MTARC1: variants seen among roughly 807,000 people sequenced by gnomAD.
MTARC1 encodes mitochondrial amidoxime-reducing component 1.
MTARC1 carries 24 observed loss-of-function variants against 33.6 expected under a neutral mutation model. The observed-to-expected ratio is 0.72, with a 90% CI of 0.52 to 1.01. The LOEUF is 1.01. MTARC1 is among the 50% of genes least tolerant of loss of function. MTARC1 has a pLI of 0.00. For missense variants in MTARC1, 417 were observed against 445.7 expected (o/e 0.94, Z 0.58); for synonymous variants, 187 against 189.5 (o/e 0.99, Z 0.11).
chr1:220,811,716 G>T (rs1673140033), intron 6 of MTARC1, among the ~76,000 whole-genome samples: 1 of 152,204 alleles, frequency 6.6e-6, no homozygotes, highest in Admixed American at 6.5e-5. Flanking sequence ...GAAGGTGGGG[G>T]AATCTTGCCA....
At chr1:220,800,592 T>C (rs1488103999) in intron 4 of MTARC1, among the ~76,000 whole-genome samples, 1 of 152,138 alleles carries the variant, frequency 6.6e-6, no homozygotes, top group African/African-American at 2.4e-5. Context: ...CTTTCCTTTT[T>C]TTTTTTTATT....
intron 4 of MTARC1, among the ~76,000 whole-genome samples, chr1:220,800,233 A>G (rs1414343771): frequency 2.0e-5 from 3 of 152,212 alleles, no homozygotes; most frequent in Non-Finnish European, 4.4e-5. Context: ...CTAGTTGAGA[A>G]CATTCTGTAT....
At chr1:220,797,641 G>C (rs1438727193) in intron 3 of MTARC1, 4 of 523,636 alleles carry the variant, frequency 7.6e-6, no homozygotes, top group Non-Finnish European at 1.4e-5. Flanking sequence ...TGGCAGCTTA[G>C]GATTGATTCT....
intron 4 of MTARC1, among the ~76,000 whole-genome samples, chr1:220,800,545 C>T (rs1672759960): frequency 6.6e-6 from 1 of 151,894 alleles, no homozygotes; most frequent in Non-Finnish European, 1.5e-5. Context: ...CAAACCCTTT[C>T]TCATTTGTCT....
chr1:220,801,914 C>T (rs889301092), intron 4 of MTARC1, among the ~76,000 whole-genome samples: 2 of 152,062 alleles, frequency 1.3e-5, no homozygotes, highest in African/African-American at 4.8e-5. Context: ...ATCATCGGCA[C>T]TCCCCACACA....
At chr1:220,789,581 T>C (rs908685741) in intron 1 of MTARC1, among the ~76,000 whole-genome samples, 1 of 152,206 alleles carries the variant, frequency 6.6e-6, no homozygotes, top group Admixed American at 6.5e-5. Flanking sequence ...GGGACATAAA[T>C]AGGATGAATG....
At chr1:220,807,004 A>G (rs1672990973) in intron 6 of MTARC1, among the ~76,000 whole-genome samples, 1 of 152,234 alleles carries the variant, frequency 6.6e-6, no homozygotes, top group Non-Finnish European at 1.5e-5. Context: ...AGAGGGGGCT[A>G]CAGACCAGCC....
At chr1:220,812,173 G>A (rs12129004) in intron 6 of MTARC1, among the ~76,000 whole-genome samples, 38,535 of 152,148 alleles carry the variant, frequency 0.25, 5,157 homozygotes, top group East Asian at 0.35. Context: ...AGGACTTACC[G>A]AGTCAGTACA....
Position 220,791,496 on chromosome 1 carries a change from G to A in MTARC1, c.281G>A (p.Trp94Ter). 1.2e-6 allele frequency: 2 copies of A among 1,613,912 alleles called. No individual in the cohort carries two copies. The highest frequency in any genetic ancestry group is 1.7e-6 in the Non-Finnish European group (2 of 1,179,910). ...LRSGNLRDRF[W>*]LVINQEGNMV... Reference sequence around the variant, plus strand: ...CTGTGTTTTGAAAACGGCAGGTTTTGGCTTGTGATCAACCAGGAGGGAAAC... The same window carrying A: ...CTGTGTTTTGAAAACGGCAGGTTTTAGCTTGTGATCAACCAGGAGGGAAAC... Residue 94 changes from tryptophan (W) to a stop codon, truncating the protein, a stop_gained, in exon 2 of 7, where the codon TGG (tryptophan) becomes TAG (stop). Coordinates refer to ENST00000366910, the MANE Select transcript of MTARC1 (RefSeq NM_022746.4). LOFTEE classifies it high-confidence loss of function.
chr1:220,816,427 C>T lies in MTARC1; in HGVS notation c.*3009C>T, dbSNP rs886308207. 1.3e-5 allele frequency: 2 copies of T among 152,196 alleles called. No homozygotes were observed. Among genetic ancestry groups the T allele is most frequent in the Admixed American group, 6.5e-5 (1 of 15,286 alleles). The allele number at this position is 152,196 out of a possible 1,614,324, so 9.4% of individuals were successfully genotyped here. ...TACCACACCCTAACACTGCATTTCC[C>T]GTGTTTTATTGGTCCATGGAATTCT... On this transcript the variant is annotated 3_prime_UTR_variant, in exon 7 of 7. Transcript: ENST00000366910.
At chr1:220,804,330 G>T (rs914527026) in intron 4 of MTARC1, among the ~76,000 whole-genome samples, 4 of 152,100 alleles carry the variant, frequency 2.6e-5, no homozygotes, top group Non-Finnish European at 4.4e-5. Flanking sequence ...AACACATGAC[G>T]TGCTGCCTTG....
At chr1:220,810,492 C>A (rs1228846416) in intron 6 of MTARC1, among the ~76,000 whole-genome samples, 2 of 151,298 alleles carry the variant, frequency 1.3e-5, no homozygotes, top group South Asian at 4.1e-4. Context: ...TAGCTCTTCC[C>A]GCTTCTACTC....
Position 220,799,961 on chromosome 1 carries a change from A to C in MTARC1, c.753+1947A>C, listed in dbSNP as rs183633121. ...AGGACATTAAGTACCACAGGGAGGT[A>C]AGGAAGAGTTTCATTCCTGGGAGTT... On this transcript the variant is annotated intron_variant, in intron 4 of 6. Coordinates refer to ENST00000366910, the MANE Select transcript of MTARC1 (RefSeq NM_022746.4). Among the ~76,000 whole-genome samples, 15 of 152,340 alleles carry C rather than the reference A, an allele frequency of 9.8e-5. No individual in the cohort carries two copies. The East Asian group carries it at 2.3e-3, about 24-fold the overall frequency.
At chr1:220,800,710 C>T (rs990957319) in intron 4 of MTARC1, among the ~76,000 whole-genome samples, 10 of 152,092 alleles carry the variant, frequency 6.6e-5, no homozygotes, top group South Asian at 6.2e-4. Context: ...TCTAATCCAA[C>T]GTCAGGATGT....
In MTARC1 at chr1:220,787,164, G is replaced by A. The variant is rs769684939; in HGVS notation, c.220G>A (p.Val74Met). The A allele has an allele frequency of 6.3e-6, 10 of 1,579,568 alleles. No individual in the cohort carries two copies. Among genetic ancestry groups the A allele is most frequent in the Non-Finnish European group, 8.6e-6 (10 of 1,163,720 alleles). ...YPVKSCKGVP[V>M]SEAECTAMGL... is the part of the protein sequence containing the mutation. ...TGTGAAATCCTGCAAGGGGGTGCCG[G>A]TGAGCGAGGCGGAGTGCACGGCCAT... Residue 74 changes from valine to methionine, a missense_variant, in exon 1 of 7, where the codon GTG becomes ATG. Physicochemically the swap from Val to Met is conservative, Grantham distance 21. Transcript: ENST00000366910.
intron 3 of MTARC1, 160 bp from the exon 4 acceptor site, chr1:220,797,713 TC>T (rs1405941958): frequency 7.5e-6 from 5 of 669,798 alleles, no homozygotes; most frequent in Non-Finnish European, 1.2e-5. Context: ...ATTGAAAACT[TC>T]TGAGTCACTG....
At chr1:220,792,944 G>A (rs1316541054) in intron 2 of MTARC1, among the ~76,000 whole-genome samples, 1 of 151,958 alleles carries the variant, frequency 6.6e-6, no homozygotes, top group Non-Finnish European at 1.5e-5. Flanking sequence ...TTTTTTCCAG[G>A]TATTAAGAAG....
chr1:220,811,764 G>C (rs2102611144), intron 6 of MTARC1, among the ~76,000 whole-genome samples: 1 of 152,276 alleles, frequency 6.6e-6, no homozygotes, highest in South Asian at 2.1e-4. Context: ...CCCTCTCCCT[G>C]CGTCTTCTTT....
At chr1:220,810,984 C>T (rs1673114810) in intron 6 of MTARC1, among the ~76,000 whole-genome samples, 2 of 152,168 alleles carry the variant, frequency 1.3e-5, no homozygotes, top group South Asian at 4.1e-4. Context: ...AAAAAGAGAA[C>T]ATGTGTAAAG....
Sources: gnomAD v4.1 joint callset for allele counts (sites outside exome capture counted in the v4.1 genomes callset) on GRCh38, gnomAD v4.1.1 for gene constraint, MANE v1.5 for transcripts, NCBI Gene and HGNC (gene_info 2026-07-23, HGNC 2026-07-21) for gene names.